Variants in TIMD4 observed in about 807,000 individuals in gnomAD.
The protein encoded by TIMD4 is T-cell immunoglobulin and mucin domain-containing protein 4.
TIMD4 carries 31 observed loss-of-function variants against 41.2 expected under a neutral mutation model. That is an observed-to-expected ratio of 0.75 (90% CI 0.57 to 1.01). The LOEUF is 1.01. TIMD4 is among the 50% of genes least tolerant of loss of function. TIMD4 has a pLI of 0.00. For missense variants in TIMD4, 479 were observed against 472.5 expected (o/e 1.01, Z -0.13); for synonymous variants, 204 against 177.1 (o/e 1.15, Z -1.21).
rs969520571 is a variant in TIMD4 at position 156,920,449 on chromosome 5, T to C, written c.1052+15A>G. 7.4e-6 allele frequency: 12 copies of C among 1,613,588 alleles called. No individual in the cohort carries two copies. The highest frequency in any genetic ancestry group is 6.7e-5 in the African/African-American group (5 of 74,924). ...GTACAATCATTACAACACCCATTCA[T>C]GCAAGATAGATTACCTTGTGTGTTT... On this transcript the variant is annotated intron_variant, in intron 8 of 8. Transcript: ENST00000274532.
chr5:156,950,624 C>A lies in TIMD4; in HGVS notation c.679+888G>T, dbSNP rs528351234. On this transcript the variant is annotated intron_variant, in intron 3 of 8. Transcript: ENST00000274532. ...GTCTGACATAGAGTGACAGCCTTGA[C>A]AAGCCCCCCTAAGCAATGGAGCAAG... 4.5e-4 allele frequency among the ~76,000 whole-genome samples: 69 copies of A among 152,264 alleles called. No individual in the cohort carries two copies. The South Asian group carries it at 7.2e-3, about 16-fold the overall frequency.
intron 5 of TIMD4, among the ~76,000 whole-genome samples, chr5:156,930,811 A>G (rs533145122): frequency 6.6e-6 from 1 of 152,240 alleles, no homozygotes; most frequent in Admixed American, 6.5e-5. Flanking sequence ...TCATCTCTCA[A>G]ATGTAGTTTG....
intron 5 of TIMD4, among the ~76,000 whole-genome samples, chr5:156,942,305 G>T (rs1201554274): frequency 6.6e-6 from 1 of 152,178 alleles, no homozygotes; most frequent in Admixed American, 6.5e-5. Context: ...GCCCATCTGG[G>T]AACAAAGACC....
intron 5 of TIMD4, among the ~76,000 whole-genome samples, chr5:156,936,311 T>A (rs992450517): frequency 1.4e-4 from 21 of 152,076 alleles, no homozygotes; most frequent in Admixed American, 1.1e-3. Flanking sequence ...CCTAAAACAC[T>A]CAGAATTATT....
At position 156,951,784 on chromosome 5, in the gene TIMD4, G is replaced by T; in HGVS notation, c.407C>A (p.Thr136Lys). 6.2e-7 allele frequency: 1 copy of T among 1,614,018 alleles called. No homozygotes were observed. The highest frequency in any genetic ancestry group is 8.5e-7 in the Non-Finnish European group (1 of 1,179,974). ...GGTGGTTGCTGTTCTGTGCGTGGTT[G>T]TTGAGGCTGTAACCAACAACAGACA... is the stretch of plus-strand genomic sequence containing the variant. ...NVRLNLQRAS[T>K]TTHRTATTTT... The change falls in exon 3 of 9, where the codon ACA becomes AAA. Residue 136 changes from threonine to lysine, a missense_variant. Thr to Lys is a moderately conservative substitution (Grantham distance 78). Transcript: ENST00000274532.
chr5:156,925,444 T>C (rs1759330013), intron 6 of TIMD4, among the ~76,000 whole-genome samples: 1 of 152,140 alleles, frequency 6.6e-6, no homozygotes, highest in Admixed American at 6.5e-5. Flanking sequence ...CCAGAGACAG[T>C]GGGCACAGCA....
chr5:156,932,671 G>T (rs1759463277), intron 5 of TIMD4, among the ~76,000 whole-genome samples: 1 of 152,200 alleles, frequency 6.6e-6, no homozygotes, highest in South Asian at 2.1e-4. Context: ...ATTTTTGCAA[G>T]TTCTCGTGAG....
chr5:156,954,884 C>CTTT (rs57901645), intron 1 of TIMD4, 128 bp from the exon 2 acceptor site: 134 of 679,172 alleles, frequency 2.0e-4, no homozygotes, highest in African/African-American at 1.1e-3. Context: ...CTTTTCTTTC[C>CTTT]TTTTTTTTTT....
chr5:156,963,007 T>C (rs1191091913), intron 1 of TIMD4, 134 bp downstream of exon 1: 1 of 835,176 alleles, frequency 1.2e-6, no homozygotes, highest in African/African-American at 1.7e-5. Flanking sequence ...GAAGGAAGCC[T>C]GGTAGGGAGA....
intron 5 of TIMD4, among the ~76,000 whole-genome samples, chr5:156,939,130 T>C (rs1759594555): frequency 1.3e-5 from 2 of 152,182 alleles, no homozygotes; most frequent in Admixed American, 1.3e-4. Context: ...GCTTCCATTA[T>C]CCCTCCTGTG....
At position 156,954,552 on chromosome 5, in the gene TIMD4, C is replaced by A; in HGVS notation, c.263G>T (p.Gly88Val). ...GGAGACATCACCTCTCGGGATAGTCCCCTGAAGTCTATATTTTGCTGACTT... is the reference window on the plus strand; with the variant it reads ...GGAGACATCACCTCTCGGGATAGTCACCTGAAGTCTATATTTTGCTGACTT... ...SRKSAKYRLQ[G>V]TIPRGDVSLT... The change falls in exon 2 of 9, where the codon GGG (glycine) becomes GTG (valine). Residue 88 changes from glycine to valine, a missense_variant. Coordinates refer to ENST00000274532, the MANE Select transcript of TIMD4 (RefSeq NM_138379.3). 6.2e-7 allele frequency: 1 copy of A among 1,614,226 alleles called. No homozygotes were observed. The highest frequency in any genetic ancestry group is 8.5e-7 in the Non-Finnish European group (1 of 1,180,044).
intron 2 of TIMD4, among the ~76,000 whole-genome samples, chr5:156,952,742 A>G (rs766927677): frequency 2.0e-5 from 3 of 152,202 alleles, no homozygotes; most frequent in Non-Finnish European, 4.4e-5. Flanking sequence ...CTATTGTTTA[A>G]AGCCTGTTTA....
intron 3 of TIMD4, 132 bp downstream of exon 3, chr5:156,951,380 T>C (rs1263093983): frequency 1.7e-5 from 20 of 1,146,708 alleles, no homozygotes; most frequent in Non-Finnish European, 2.2e-5. Context: ...GTTTGTTTGA[T>C]AGGCCTAGCA....
chr5:156,956,093 C>T (rs1759964893), intron 1 of TIMD4, among the ~76,000 whole-genome samples: 1 of 152,190 alleles, frequency 6.6e-6, no homozygotes, highest in African/African-American at 2.4e-5. Context: ...CTAACTGAAA[C>T]TTTGTACCTT....
At chr5:156,952,728 A>G (rs1759885770) in intron 2 of TIMD4, among the ~76,000 whole-genome samples, 1 of 152,158 alleles carries the variant, frequency 6.6e-6, no homozygotes, top group African/African-American at 2.4e-5. Flanking sequence ...CATTTATTTC[A>G]TTGCTATTGT....
chr5:156,956,730 A>T (rs907471584), intron 1 of TIMD4, among the ~76,000 whole-genome samples: 4 of 152,240 alleles, frequency 2.6e-5, no homozygotes, highest in African/African-American at 7.2e-5. Context: ...ATGCTATTGA[A>T]GTGAAAGCCA....
At chr5:156,951,385 C>G (rs1759849794) in intron 3 of TIMD4, 127 bp downstream of exon 3, 4 of 1,204,576 alleles carry the variant, frequency 3.3e-6, no homozygotes, top group Admixed American at 2.5e-5. Context: ...TTTGATAGGC[C>G]TAGCAGACTA....
intron 2 of TIMD4, among the ~76,000 whole-genome samples, chr5:156,953,770 T>A (rs1451049433): frequency 6.6e-6 from 1 of 151,914 alleles, no homozygotes; most frequent in Non-Finnish European, 1.5e-5. Context: ...GTGACACTGA[T>A]GCAGGTGGAA....
chr5:156,926,005 G>A (rs551055356), intron 6 of TIMD4, among the ~76,000 whole-genome samples: 7 of 152,378 alleles, frequency 4.6e-5, no homozygotes, highest in African/African-American at 1.7e-4. Flanking sequence ...CTGGGTTCAA[G>A]CAATTCTCAT....
Sources: allele counts gnomAD v4.1 joint callset (sites outside exome capture counted in the v4.1 genomes callset), GRCh38; gene constraint gnomAD v4.1.1; transcripts MANE v1.5; gene names NCBI Gene and HGNC (gene_info 2026-07-23, HGNC 2026-07-21).